The following KRT71 variants were observed in gnomAD, a reference collection of about 807,000 sequenced individuals.
KRT71 encodes the protein keratin 71.
KRT71 carries 42 observed loss-of-function variants against 46.2 expected under a neutral mutation model. The observed-to-expected ratio is 0.91, with a 90% CI of 0.71 to 1.18. The LOEUF (loss-of-function observed/expected upper bound fraction) is 1.18, where lower values mean the gene tolerates loss of function less well. Among genes scored for constraint, KRT71 ranks in the 50% most tolerant of loss-of-function variants. KRT71 has a pLI of 0.00. For synonymous variants in KRT71, 292 were observed against 277.8 expected (o/e 1.05, Z -0.51); for missense variants, 708 against 677.9 (o/e 1.04, Z -0.49).
In KRT71 at chr12:52,552,552, A is replaced by G. The variant is rs17730088; in HGVS notation, c.441+85T>C. 0.36 allele frequency: 507,560 copies of G among 1,391,834 alleles called. 101,387 individuals are homozygous for G. The highest frequency in any genetic ancestry group is 0.47 in the Middle Eastern group (2,198 of 4,654). 86.2% of individuals were successfully genotyped at this position (1,391,834 alleles called of 1,614,324 possible). ...AAAGTCTTCCTCACATCTAACCTCA[A>G]TCTCTCCTGCTGTAACAAAATCGTA... On this transcript the variant is annotated intron_variant, in intron 1 of 8. Transcript: ENST00000267119.
In KRT71 at chr12:52,548,271, G is replaced by T; in HGVS notation, c.859C>A (p.Leu287Met). 1 of 1,614,094 alleles carries T rather than the reference G, an allele frequency of 6.2e-7. No homozygotes were observed. Among genetic ancestry groups the T allele is most frequent in the Non-Finnish European group, 8.5e-7 (1 of 1,179,940 alleles). ...QSHISDMSVILSMDNNRNLDL... is the reference protein window; with the variant it reads ...QSHISDMSVIMSMDNNRNLDL... ...AGGTTCCGGTTGTTGTCCATGGACAGGATGACAGACATGTCACTGATGTGG... is the reference window on the plus strand; with the variant it reads ...AGGTTCCGGTTGTTGTCCATGGACATGATGACAGACATGTCACTGATGTGG... Residue 287 changes from leucine (L) to methionine (M), a missense_variant, in exon 5 of 9, where the codon CTG (leucine) becomes ATG (methionine). Physicochemically the swap from Leu to Met is conservative, Grantham distance 15 (BLOSUM62 2). Transcript: ENST00000267119.
intron 5 of KRT71, 36 bp from the exon 6 acceptor site, chr12:52,548,018 G>C (rs761742646): frequency 1.2e-6 from 2 of 1,611,662 alleles, no homozygotes; most frequent in African/African-American, 2.7e-5. Context: ...TGAGTGTGTC[G>C]TGGGAGTGCA....
chr12:52,544,641 C>T lies in KRT71; in HGVS notation c.1463G>A (p.Cys488Tyr). The T allele has an allele frequency of 6.2e-7, 1 of 1,614,104 alleles. No individual in the cohort carries two copies. ...CCTGCCCTCCCCGCCTCTCACGCTGCACACTCCAGAGATGCAGTTGCTGCT... is the reference window on the plus strand; with the variant it reads ...CCTGCCCTCCCCGCCTCTCACGCTGTACACTCCAGAGATGCAGTTGCTGCT... ...ANSSNCISGVCSVRGGEGRSR... is the reference protein window; with the variant it reads ...ANSSNCISGVYSVRGGEGRSR... Residue 488 changes from cysteine (C) to tyrosine (Y), a missense_variant, in exon 9 of 9, where the codon TGC (cysteine) becomes TAC (tyrosine). Physicochemically the swap from Cys to Tyr is radical, Grantham distance 194 (BLOSUM62 -2). Coordinates refer to ENST00000267119, the MANE Select transcript of KRT71 (RefSeq NM_033448.3).
intron 8 of KRT71, among the ~76,000 whole-genome samples, chr12:52,545,250 AC>A (rs1312530159): frequency 2.0e-5 from 3 of 152,132 alleles, no homozygotes; most frequent in African/African-American, 2.4e-5. Flanking sequence ...CAGTTTGCAA[AC>A]CTGACTCCCT....
intron 1 of KRT71, among the ~76,000 whole-genome samples, chr12:52,551,818 A>T (rs1462156197): frequency 6.6e-6 from 1 of 152,188 alleles, no homozygotes; most frequent in African/African-American, 2.4e-5. Context: ...CTCTGCCAGA[A>T]GTCAGGGGCC....
chr12:52,545,048 T>C (rs956499480), intron 8 of KRT71, among the ~76,000 whole-genome samples: 1 of 152,206 alleles, frequency 6.6e-6, no homozygotes, highest in Non-Finnish European at 1.5e-5. Context: ...TTAGCCTTTT[T>C]GCTAAACTTC....
In KRT71 at chr12:52,544,463, G is replaced by T; in HGVS notation, c.*69C>A. Reference sequence around the variant, plus strand: ...AGGGTGGAGATGGAGCTGAGAGTGGGCTGTGGGAAGTACAGTGTGGGATCC... The same window carrying T: ...AGGGTGGAGATGGAGCTGAGAGTGGTCTGTGGGAAGTACAGTGTGGGATCC... On this transcript the variant is annotated 3_prime_UTR_variant, in exon 9 of 9. Coordinates refer to ENST00000267119, the MANE Select transcript of KRT71 (RefSeq NM_033448.3). The T allele has an allele frequency of 7.3e-7, 1 of 1,376,712 alleles. No homozygotes were observed. The highest frequency in any genetic ancestry group is 1.0e-6 in the Non-Finnish European group (1 of 967,416). The allele number at this position is 1,376,712 out of a possible 1,614,324, so 85.3% of individuals were successfully genotyped here. A position where few individuals can be genotyped will look rare whatever the true frequency, so the allele number is the denominator to read the frequency against.
At chr12:52,552,057 G>A (rs1565602975) in intron 1 of KRT71, among the ~76,000 whole-genome samples, 1 of 152,218 alleles carries the variant, frequency 6.6e-6, no homozygotes, top group Non-Finnish European at 1.5e-5. Flanking sequence ...ATGAGGAGAT[G>A]GCAACACAGA....
At chr12:52,549,072 A>G (rs556597265) in intron 3 of KRT71, among the ~76,000 whole-genome samples, 27 of 152,294 alleles carry the variant, frequency 1.8e-4, no homozygotes, top group African/African-American at 6.5e-4. Flanking sequence ...CCGTGTTCAA[A>G]CCACAGCTGC....
intron 6 of KRT71, among the ~76,000 whole-genome samples, chr12:52,547,224 C>A: frequency 6.6e-6 from 1 of 152,276 alleles, no homozygotes; most frequent in Middle Eastern, 3.4e-3. Flanking sequence ...GTAACAACAG[C>A]GAGGGCAACT....
In KRT71 at chr12:52,548,330, A is replaced by T. The variant is rs770813589; in HGVS notation, c.814-14T>A. ...CTGAGTGATCTCCTGCAGGGGACAC[A>T]GAAATGGTCTCTCGGCTCAACTGCT... On this transcript the variant is annotated splice_polypyrimidine_tract_variant and intron_variant, in intron 4 of 8. Transcript: ENST00000267119. 8 of 1,596,764 alleles carry T rather than the reference A, an allele frequency of 5.0e-6. No individual in the cohort carries two copies. Among genetic ancestry groups the T allele is most frequent in the Non-Finnish European group, 6.8e-6 (8 of 1,169,954 alleles).
chr12:52,552,798 G>T lies in KRT71; in HGVS notation c.280C>A (p.Pro94Thr). 1 of 1,614,216 alleles carries T rather than the reference G, an allele frequency of 6.2e-7. No individual in the cohort carries two copies. Among genetic ancestry groups the T allele is most frequent in the South Asian group, 1.1e-5 (1 of 91,078 alleles). Residue 94 changes from proline (P) to threonine (T), a missense_variant, in exon 1 of 9, where the codon CCA becomes ACA. Coordinates refer to ENST00000267119, the MANE Select transcript of KRT71 (RefSeq NM_033448.3). The part of the protein sequence containing the change: ...FGSVALGPVC[P>T]TVCPPGGIHQ... ...ATGCCTCCAGGTGGGCATACAGTTG[G>T]GCACACAGGCCCCAGGGCCACACTG...
chr12:52,544,539 C>A lies in KRT71; in HGVS notation c.1565G>T (p.Ser522Ile), dbSNP rs370957251. The change falls in exon 9 of 9, where the codon AGT becomes ATT. Residue 522 changes from serine to isoleucine, a missense_variant. Transcript: ENST00000267119. ...GGCCCGGGGCAGTCTTCTCTACCGACTGGTTTTCTTGGAGGGTGCACTCAG... is the reference window on the plus strand; with the variant it reads ...GGCCCGGGGCAGTCTTCTCTACCGAATGGTTTTCTTGGAGGGTGCACTCAG... ...SSLSAPSKKT[S>I]R 5.6e-6 allele frequency: 9 copies of A among 1,613,944 alleles called. No homozygotes were observed. Among genetic ancestry groups the A allele is most frequent in the Non-Finnish European group, 7.6e-6 (9 of 1,179,958 alleles).
chr12:52,549,975 C>T (rs970374440), intron 2 of KRT71, 54 bp downstream of exon 2: 3 of 1,604,096 alleles, frequency 1.9e-6, no homozygotes, highest in Non-Finnish European at 2.6e-6. Flanking sequence ...TGCCAGGGGT[C>T]CCTTGGAGGG....
rs963339297 is a variant in KRT71, at chr12:52,544,538, A to G, written c.1566T>C (p.Ser522=). The G allele has an allele frequency of 8.1e-6, 13 of 1,613,684 alleles. No homozygotes were observed. Among genetic ancestry groups the G allele is most frequent in the African/African-American group, 8.0e-5 (6 of 74,812 alleles). Reference sequence around the variant, plus strand: ...GGGCCCGGGGCAGTCTTCTCTACCGACTGGTTTTCTTGGAGGGTGCACTCA... The same window carrying G: ...GGGCCCGGGGCAGTCTTCTCTACCGGCTGGTTTTCTTGGAGGGTGCACTCA... ...SSLSAPSKKT[S]R The change falls in exon 9 of 9, where the codon AGT becomes AGC. Residue 522 remains serine, a synonymous_variant. Transcript: ENST00000267119.
intron 1 of KRT71, among the ~76,000 whole-genome samples, chr12:52,551,318 T>C (rs1939164070): frequency 6.6e-6 from 1 of 152,210 alleles, no homozygotes; most frequent in Non-Finnish European, 1.5e-5. Context: ...AGACCATCTT[T>C]ATAAACAGGA....
At position 52,552,689 on chromosome 12, in the gene KRT71, T is replaced by C; in HGVS notation, c.389A>G (p.Glu130Gly). ...GTTCAGAGCCTTGATCTGCTCTCGC[T>C]CCTGGGCACGCACTTTCTGGATCTC... ...DPEIQKVRAQ[E>G]REQIKALNNK... The change falls in exon 1 of 9, where the codon GAG becomes GGG. Residue 130 changes from glutamate (E) to glycine (G), a missense_variant. Coordinates refer to ENST00000267119, the MANE Select transcript of KRT71 (RefSeq NM_033448.3). 1 of 1,613,894 alleles carries C rather than the reference T, an allele frequency of 6.2e-7. No individual in the cohort carries two copies. Among genetic ancestry groups the C allele is most frequent in the South Asian group, 1.1e-5 (1 of 91,064 alleles).
Position 52,544,416 on chromosome 12 carries a change from G to T in KRT71, c.*116C>A. 1.0e-6 allele frequency: 1 copy of T among 972,776 alleles called. No individual in the cohort carries two copies. Among genetic ancestry groups the T allele is most frequent in the Non-Finnish European group, 1.6e-6 (1 of 615,068 alleles). The allele number at this position is 972,776 out of a possible 1,614,324, so 60.3% of individuals were successfully genotyped here. A position where few individuals can be genotyped will look rare whatever the true frequency, so the allele number is the denominator to read the frequency against. ...AAGTGGGTGGCCAAGGCCAGTGCCA[G>T]GTGTATGGGAGCAGGACCAGCAGGG... On this transcript the variant is annotated 3_prime_UTR_variant, in exon 9 of 9. Transcript: ENST00000267119.
Position 52,550,120 on chromosome 12 carries a change from G to T in KRT71, c.565C>A (p.Arg189=), listed in dbSNP as rs535982383. The T allele has an allele frequency of 6.2e-7, 1 of 1,614,084 alleles. No homozygotes were observed. The highest frequency in any genetic ancestry group is 1.1e-5 in the South Asian group (1 of 91,064). Residue 189 remains arginine, a synonymous_variant, in exon 2 of 9, where the codon CGG becomes AGG. Coordinates refer to ENST00000267119, the MANE Select transcript of KRT71 (RefSeq NM_033448.3). ...CCAGACAGCGTCTCCAGCTGCTTCC[G>T]CAGGTTGCTGATGTAGCCCTCGAGG... is the stretch of plus-strand genomic sequence containing the variant. ...PILEGYISNL[R]KQLETLSGDR...
Sources: gnomAD v4.1 joint callset for allele counts (sites outside exome capture counted in the v4.1 genomes callset) on GRCh38, gnomAD v4.1.1 for gene constraint, MANE v1.5 for transcripts, NCBI Gene and HGNC (gene_info 2026-07-23, HGNC 2026-07-21) for gene names.